PBRM1: variants seen among roughly 807,000 people sequenced by gnomAD.
The protein encoded by PBRM1 is protein polybromo-1.
A neutral mutation model predicts 194.5 loss-of-function variants in PBRM1; 27 were observed. The observed-to-expected ratio is 0.14, with a 90% CI of 0.10 to 0.19. The LOEUF (loss-of-function observed/expected upper bound fraction) is 0.19, where lower values mean the gene tolerates loss of function less well. PBRM1 is among the 10% of genes least tolerant of loss of function. The pLI, the probability that PBRM1 is intolerant of heterozygous loss-of-function variation, is 1.00. For missense variants in PBRM1, 1,466 were observed against 2,077.2 expected, an observed-to-expected ratio of 0.71 and a Z score of 5.72; for synonymous variants, 655 against 693.2, an observed-to-expected ratio of 0.94 and a Z score of 0.87.
intron 21 of PBRM1, 49 bp downstream of exon 23, chr3:52,579,005 C>G (rs762200951): frequency 2.5e-6 from 4 of 1,591,980 alleles, no homozygotes; most frequent in Non-Finnish European, 2.6e-6. Context: ...TCTACTGGTT[C>G]CAAATTTCTC....
intron 17 of PBRM1, among the ~76,000 whole-genome samples, chr3:52,597,561 A>C (rs890255348): frequency 2.6e-5 from 4 of 152,024 alleles, no homozygotes; most frequent in African/African-American, 9.7e-5. Flanking sequence ...GGACAGAGAG[A>C]CTAGAATTTT....
chr3:52,613,217 T>C lies in PBRM1; in HGVS notation c.1924+2134A>G, dbSNP rs572215649. Among the ~76,000 whole-genome samples, 5 of 152,302 alleles carry C rather than the reference T, an allele frequency of 3.3e-5. No individual in the cohort carries two copies. In the South Asian group the frequency reaches 6.2e-4, roughly 19 times the overall value. On this transcript the variant is annotated intron_variant, in intron 15 of 29. Transcript: ENST00000296302. ...ACTATGTGGAAGTGAAATGACATGATTGGATTTGTTTTAAAATAATTTAGG... is the reference window on the plus strand; with the variant it reads ...ACTATGTGGAAGTGAAATGACATGACTGGATTTGTTTTAAAATAATTTAGG...
At chr3:52,558,751 CA>C (rs1256235984) in intron 25 of PBRM1, among the ~76,000 whole-genome samples, 1 of 152,184 alleles carries the variant, frequency 6.6e-6, no homozygotes, top group Non-Finnish European at 1.5e-5. Context: ...GAAGCGCTAC[CA>C]TTATTCTAGT....
chr3:52,682,224 T>C (rs1416391503), upstream of PBRM1: 1 of 151,880 alleles, frequency 6.6e-6, no homozygotes, highest in Non-Finnish European at 1.5e-5. Flanking sequence ...TGACACCAAG[T>C]GTTGGCAAGC....
intron 25 of PBRM1, among the ~76,000 whole-genome samples, chr3:52,560,268 C>T (rs1404328703): frequency 6.6e-6 from 1 of 152,200 alleles, no homozygotes; most frequent in Non-Finnish European, 1.5e-5. Flanking sequence ...CTCCATTTGC[C>T]TTGCTGCTGC....
At chr3:52,662,917 A>G (rs913560015) in intron 3 of PBRM1, among the ~76,000 whole-genome samples, 19 of 152,078 alleles carry the variant, frequency 1.2e-4, no homozygotes, top group African/African-American at 4.6e-4. Context: ...TTTGATTTAA[A>G]GGATAGAAGC....
chr3:52,579,289 A>G, intron 20 of PBRM1, 90 bp from the exon 23 acceptor site: 1 of 1,253,272 alleles, frequency 8.0e-7, no homozygotes, highest in South Asian at 1.3e-5. Flanking sequence ...CTTTCACATT[A>G]ACTTAAAAGA....
At chr3:52,562,259 G>A (rs909546363) in intron 24 of PBRM1, among the ~76,000 whole-genome samples, 2 of 151,288 alleles carry the variant, frequency 1.3e-5, no homozygotes, top group African/African-American at 2.4e-5. Context: ...CCCGGGAGAC[G>A]GAGCTTGCAT....
At chr3:52,558,950 A>G (rs939120326) in intron 25 of PBRM1, among the ~76,000 whole-genome samples, 1 of 152,202 alleles carries the variant, frequency 6.6e-6, no homozygotes, top group South Asian at 2.1e-4. Flanking sequence ...TCTGTAAGGG[A>G]AAAGTAGCTG....
At position 52,603,424 on chromosome 3, in the gene PBRM1, T is replaced by C. The variant is rs2094138833; in HGVS notation, c.2779+97A>G. On this transcript the variant is annotated intron_variant, in intron 17 of 29. Coordinates refer to ENST00000296302, the Ensembl canonical transcript of PBRM1. ...CTAATATAGTCAATACCCTGAGTTT[T>C]CATTCATACAAACAGGACTCTTTTC... 7.0e-6 allele frequency: 9 copies of C among 1,278,904 alleles called. No homozygotes were observed. The South Asian group carries it at 7.3e-5, about 10-fold the overall frequency. 79.2% of individuals were successfully genotyped at this position (1,278,904 alleles called of 1,614,324 possible). A position where few individuals can be genotyped will look rare whatever the true frequency, so the allele number is the denominator to read the frequency against.
chr3:52,625,525 G>A (rs1224185350), intron 13 of PBRM1, among the ~76,000 whole-genome samples: 2 of 150,316 alleles, frequency 1.3e-5, no homozygotes, highest in Non-Finnish European at 3.0e-5. Context: ...TTTGTAAAGA[G>A]ACTTTTTGTC....
At chr3:52,676,300 T>C (rs1038398579) in intron 2 of PBRM1, among the ~76,000 whole-genome samples, 2 of 152,200 alleles carry the variant, frequency 1.3e-5, no homozygotes, top group Admixed American at 6.5e-5. Context: ...TCAGCTTGAA[T>C]TGTTATCTCC....
At chr3:52,629,126 C>T in intron 11 of PBRM1, 91 bp from the exon 13 acceptor site, 1 of 962,992 alleles carries the variant, frequency 1.0e-6, no homozygotes, top group East Asian at 2.6e-5. Flanking sequence ...TTGACAAGCA[C>T]TACATGGTAT....
chr3:52,684,385 G>A (rs992308824), upstream of PBRM1, among the ~76,000 whole-genome samples: 7 of 151,950 alleles, frequency 4.6e-5, no homozygotes, highest in African/African-American at 1.5e-4. Flanking sequence ...ACTTACTATA[G>A]ACAAACAGTG....
In PBRM1 at chr3:52,633,575, G is replaced by T. The variant is rs192057893; in HGVS notation, c.1301+1027C>A. ...ATGGTAATTCTGTGTTTAATTTTTT[G>T]AGGAACTGCCACACTGTTTTCCACA... On this transcript the variant is annotated intron_variant, in intron 11 of 29. Coordinates refer to ENST00000296302, the Ensembl canonical transcript of PBRM1. Among the ~76,000 whole-genome samples the T allele has an allele frequency of 1.2e-4, 19 of 152,126 alleles. No individual in the cohort carries two copies. In the East Asian group the frequency reaches 3.3e-3, roughly 26 times the overall value.
chr3:52,589,484 C>G (rs562149832), intron 17 of PBRM1, among the ~76,000 whole-genome samples: 1 of 152,286 alleles, frequency 6.6e-6, no homozygotes, highest in East Asian at 1.9e-4. Context: ...GAATATATAA[C>G]TACACAAAGG....
chr3:52,645,479 C>A (rs1004567103), intron 7 of PBRM1, among the ~76,000 whole-genome samples: 4 of 150,860 alleles, frequency 2.7e-5, no homozygotes, highest in African/African-American at 4.9e-5. Context: ...TTTGTTCTTA[C>A]TGTAGATCTT....
chr3:52,644,860 C>T, intron 7 of PBRM1, 71 bp from the exon 9 acceptor site: 2 of 665,510 alleles, frequency 3.0e-6, no homozygotes, highest in Non-Finnish European at 5.3e-6. Flanking sequence ...CCAACTCATG[C>T]AATGGGCACC....
At chr3:52,656,930 A>C (rs77372528) in intron 5 of PBRM1, among the ~76,000 whole-genome samples, 2 of 68,582 alleles carry the variant, frequency 2.9e-5, no homozygotes, top group East Asian at 1.2e-3. Flanking sequence ...AAAACTTATA[A>C]ACAAAAGGTA....
Sources: gnomAD v4.1 joint callset for allele counts (sites outside exome capture counted in the v4.1 genomes callset) on GRCh38, gnomAD v4.1.1 for gene constraint, MANE v1.5 for transcripts, NCBI Gene and HGNC (gene_info 2026-07-23, HGNC 2026-07-21) for gene names.